FAM228B: variants seen among roughly 807,000 people sequenced by gnomAD.
FAM228B encodes the protein protein FAM228B.
FAM228B carries 38 observed loss-of-function variants against 42.6 expected under a neutral mutation model. The ratio of observed to expected loss-of-function variants is 0.89; its 90% CI spans 0.69 to 1.17. The LOEUF (loss-of-function observed/expected upper bound fraction) is 1.17. Ranked by LOEUF, FAM228B falls within the 50% of genes most tolerant of loss-of-function variation. The probability of loss-of-function intolerance (pLI) is 0.00; values close to 1 mark genes in which losing one functional copy is unlikely to be tolerated. For missense variants in FAM228B, 344 were observed against 367.3 expected (o/e 0.94, Z 0.52); for synonymous variants, 109 against 122.3 (o/e 0.89, Z 0.72).
At chr2:24,099,716 C>T (rs959288382) in intron 3 of FAM228B, among the ~76,000 whole-genome samples, 1 of 152,096 alleles carries the variant, frequency 6.6e-6, no homozygotes, top group South Asian at 2.1e-4. Context: ...AGATTCAATG[C>T]CATCCCCATC....
intron 3 of FAM228B, among the ~76,000 whole-genome samples, chr2:24,102,828 T>TATGGAAAA (rs1665631895): frequency 6.6e-6 from 1 of 152,230 alleles, no homozygotes; most frequent in Non-Finnish European, 1.5e-5. Context: ...TCTGTGACAT[T>TATGGAAAA]CTTATTGGCA....
chr2:24,156,784 C>G lies in FAM228B; in HGVS notation c.687-4722C>G, dbSNP rs369125346. ...TATACATTTCTTTCCGCCCCCCCCC[C>G]CCCAGCTTTTTGTTTCATTTATCTT... On this transcript the variant is annotated intron_variant, in intron 7 of 10. Transcript: ENST00000615575. Among the ~76,000 whole-genome samples, 14 of 129,994 alleles carry G rather than the reference C, an allele frequency of 1.1e-4. 1 individual carries two copies. In the South Asian group the frequency reaches 1.2e-3, roughly 11 times the overall value. 85.3% of individuals were successfully genotyped at this position (129,994 alleles called of 152,430 possible). A position where few individuals can be genotyped will look rare whatever the true frequency, so the allele number is the denominator to read the frequency against.
At chr2:24,082,150 C>T (rs1005495893) in intron 2 of FAM228B, among the ~76,000 whole-genome samples, 1 of 152,214 alleles carries the variant, frequency 6.6e-6, no homozygotes, top group Admixed American at 6.5e-5. Context: ...CATGCACCAT[C>T]ATGCCTGGTT....
At chr2:24,141,192 A>G (rs934613976) in intron 5 of FAM228B, among the ~76,000 whole-genome samples, 1 of 151,428 alleles carries the variant, frequency 6.6e-6, no homozygotes, top group Non-Finnish European at 1.5e-5. Flanking sequence ...CTCCTGCCTC[A>G]GCCTCCCGAG....
rs1666248968 is a variant in FAM228B at position 24,124,438 on chromosome 2, C to T, written c.77C>T (p.Pro26Leu). The T allele has an allele frequency of 4.5e-6, 7 of 1,550,762 alleles. No homozygotes were observed. In the South Asian group the frequency reaches 6.0e-5, roughly 13 times the overall value. ...KLKSSKEWLE[P>L]KPLCFMEVLA... The stretch of plus-strand genomic sequence containing the variant: ...AAGAGCTCAAAAGAATGGTTGGAGC[C>T]CAAGCCCCTTTGTTTTATGGAGGTA... The change falls in exon 2 of 11, where the codon CCC becomes CTC. Residue 26 changes from proline (P) to leucine (L), a missense_variant. Transcript: ENST00000615575.
intron 3 of FAM228B, among the ~76,000 whole-genome samples, chr2:24,111,605 C>T (rs184024324): frequency 3.9e-5 from 6 of 152,212 alleles, no homozygotes; most frequent in Non-Finnish European, 5.9e-5. Flanking sequence ...CCTGGCTTGT[C>T]GTGCAAACCT....
intron 2 of FAM228B, among the ~76,000 whole-genome samples, chr2:24,127,559 A>T (rs1666346248): frequency 6.6e-6 from 1 of 152,200 alleles, no homozygotes; most frequent in Admixed American, 6.5e-5. Context: ...TTAAATTTTC[A>T]TAGCAATGTA....
intron 3 of FAM228B, among the ~76,000 whole-genome samples, chr2:24,100,283 G>A (rs922012713): frequency 1.3e-5 from 2 of 152,240 alleles, no homozygotes; most frequent in East Asian, 1.9e-4. Context: ...CTAATTAAAC[G>A]AAAGAGCTTC....
chr2:24,081,649 C>T (rs962013496), intron 2 of FAM228B, among the ~76,000 whole-genome samples: 3 of 151,742 alleles, frequency 2.0e-5, no homozygotes, highest in Non-Finnish European at 2.9e-5. Context: ...CAATAGTCAT[C>T]CTTCACTACT....
At chr2:24,164,410 A>T (rs1667350129) in intron 9 of FAM228B, 75 bp downstream of exon 9, 2 of 1,448,698 alleles carry the variant, frequency 1.4e-6, no homozygotes, top group African/African-American at 1.4e-5. Context: ...GCACCTGGGA[A>T]CTTTCTTTGT....
intron 3 of FAM228B, among the ~76,000 whole-genome samples, chr2:24,098,663 C>A (rs569354024): frequency 6.6e-6 from 1 of 152,204 alleles, no homozygotes; most frequent in East Asian, 1.9e-4. Context: ...CAAAAAAAGT[C>A]CAGGACCAGA....
chr2:24,101,808 G>A (rs777984434), intron 3 of FAM228B, among the ~76,000 whole-genome samples: 44 of 152,220 alleles, frequency 2.9e-4, no homozygotes, highest in Non-Finnish European at 4.6e-4. Flanking sequence ...TCAGCCTCTT[G>A]AGTAGCTGGG....
At position 24,084,216 on chromosome 2, in the gene FAM228B, G is replaced by A; in HGVS notation, c.-210+3261G>A. ...GCATTAAGTCCGCCCGGTTCAGGGC[G>A]CTGGCCGCCACCTTCAGGAGGACTT... On this transcript the variant is annotated intron_variant, in intron 2 of 10. Coordinates refer to the FAM228B transcript ENST00000613899. The surrounding 1 kb of genome is among the most constrained non-coding windows in gnomAD (Gnocchi z 8.4). 5.0e-6 allele frequency: 8 copies of A among 1,613,648 alleles called. No individual in the cohort carries two copies. Among genetic ancestry groups the A allele is most frequent in the Non-Finnish European group, 6.8e-6 (8 of 1,179,894 alleles).
At chr2:24,131,372 A>G (rs554402383) in intron 2 of FAM228B, among the ~76,000 whole-genome samples, 69 of 152,268 alleles carry the variant, frequency 4.5e-4, no homozygotes, top group Non-Finnish European at 9.4e-4. Flanking sequence ...AAGAATGTCA[A>G]TGGTAGATTG....
intron 5 of FAM228B, among the ~76,000 whole-genome samples, chr2:24,146,073 T>G (rs1246234267): frequency 6.6e-6 from 1 of 152,214 alleles, no homozygotes; most frequent in East Asian, 1.9e-4. Context: ...AGCAAAATTA[T>G]ACTGGGCAGT....
intron 3 of FAM228B, among the ~76,000 whole-genome samples, chr2:24,116,398 C>G (rs1213983755): frequency 6.6e-6 from 1 of 152,136 alleles, no homozygotes; most frequent in African/African-American, 2.4e-5. Flanking sequence ...CACTATGTTG[C>G]CCACACTGGG....
chr2:24,082,879 C>T (rs1177430452), intron 2 of FAM228B: 4 of 1,598,824 alleles, frequency 2.5e-6, no homozygotes, highest in Admixed American at 1.7e-5. Flanking sequence ...ATGGAGGCCT[C>T]CTCACCCACA....
Position 24,100,813 on chromosome 2 carries a change from C to T in FAM228B, c.-121+5584C>T, listed in dbSNP as rs147391803. Among the ~76,000 whole-genome samples the T allele has an allele frequency of 3.9e-3, 592 of 152,232 alleles. 1 individual carries two copies. Among genetic ancestry groups the T allele is most frequent in the African/African-American group, 0.013 (559 of 41,528 alleles). On this transcript the variant is annotated intron_variant, in intron 3 of 10. Coordinates refer to the FAM228B transcript ENST00000613899. Reference sequence around the variant, plus strand: ...ATGCTACTATAAAGACATATGCACACGTATGTTTATTGTGGCACTATTCAC... The same window carrying T: ...ATGCTACTATAAAGACATATGCACATGTATGTTTATTGTGGCACTATTCAC...
intron 2 of FAM228B, among the ~76,000 whole-genome samples, chr2:24,124,828 G>A (rs1666265749): frequency 6.6e-6 from 1 of 152,090 alleles, no homozygotes. Flanking sequence ...CCTAGTAGCT[G>A]GAAGTATAGG....
Sources: allele counts gnomAD v4.1 joint callset (sites outside exome capture counted in the v4.1 genomes callset), GRCh38; gene constraint gnomAD v4.1.1; non-coding constraint Gnocchi (gnomAD v3.1); transcripts MANE v1.5; gene names NCBI Gene and HGNC (gene_info 2026-07-23, HGNC 2026-07-21).